Variants in GOLGA1 observed in about 807,000 individuals in gnomAD.
The protein encoded by GOLGA1 is golgin A1, also known as golgin subfamily A member 1.
In GOLGA1, 63 loss-of-function variants were observed where a neutral mutation model predicts 119.7. The observed-to-expected ratio is 0.53, with a 90% CI of 0.43 to 0.65. GOLGA1 has a LOEUF of 0.65. Ranked by LOEUF, GOLGA1 falls within the 30% of genes least tolerant of loss-of-function variation. The pLI, the probability that GOLGA1 is intolerant of heterozygous loss-of-function variation, is 0.00. For missense variants in GOLGA1, 798 were observed against 912.8 expected, an observed-to-expected ratio of 0.87 and a Z score of 1.62; for synonymous variants, 318 against 333.4, an observed-to-expected ratio of 0.95 and a Z score of 0.50.
chr9:124,940,002 T>C (rs950563920), intron 2 of GOLGA1, 104 bp downstream of exon 2: 2 of 152,254 alleles, frequency 1.3e-5, no homozygotes, highest in Admixed American at 6.5e-5. Context: ...ACCTAAGCTC[T>C]GCTCTGAGAT....
intron 3 of GOLGA1, among the ~76,000 whole-genome samples, chr9:124,938,247 A>AT (rs1830918202): frequency 6.6e-6 from 1 of 152,228 alleles, no homozygotes; most frequent in African/African-American, 2.4e-5. Context: ...ATATAAGTAT[A>AT]TATGTCTGCA....
chr9:124,890,856 AAAG>A (rs146900448), intron 15 of GOLGA1, among the ~76,000 whole-genome samples: 2,554 of 152,186 alleles, frequency 0.017, 72 homozygotes, highest in African/African-American at 0.059. Flanking sequence ...TTGGTTATGG[AAAG>A]AAGAAGAAGT....
chr9:124,938,487 T>G lies in GOLGA1; in HGVS notation c.135+90A>C, dbSNP rs562267910. On this transcript the variant is annotated intron_variant, in intron 3 of 22. Transcript: ENST00000373555. ...CAGGCTCTTGTACAGCTATAAACCA[T>G]GAAAGGTATGAAATAATCAAGCAAT... 26 of 1,076,100 alleles carry G rather than the reference T, an allele frequency of 2.4e-5. No individual in the cohort carries two copies. The South Asian group carries it at 2.9e-4, about 12-fold the overall frequency. 66.7% of individuals were successfully genotyped at this position (1,076,100 alleles called of 1,614,324 possible).
rs112109177 is a variant in GOLGA1, at chr9:124,918,858, T to C, written c.843+2271A>G. Among the ~76,000 whole-genome samples, 61 of 152,248 alleles carry C rather than the reference T, an allele frequency of 4.0e-4. 1 individual carries two copies. The highest frequency in any genetic ancestry group is 1.4e-3 in the African/African-American group (58 of 41,516). Reference sequence around the variant, plus strand: ...CTGACCTTCTGCCTTTTCTGCCTCCTGCTGTCCTCCTGATCCTTGACATTC... The same window carrying C: ...CTGACCTTCTGCCTTTTCTGCCTCCCGCTGTCCTCCTGATCCTTGACATTC... On this transcript the variant is annotated intron_variant, in intron 10 of 22. Transcript: ENST00000373555.
At position 124,929,289 on chromosome 9, in the gene GOLGA1, G is replaced by C; in HGVS notation, c.228C>G (p.Asp76Glu). ...QIRKLEARLS[D>E]YAEQVRNLQK... is the part of the protein sequence containing the mutation. ...GCAAGTTTCGGACCTGTTCAGCATA[G>C]TCTTGGGTGAGGAGGGTGACGCACA... The change falls in exon 5 of 23, where the codon GAC becomes GAG. Residue 76 changes from aspartate to glutamate, a missense_variant and splice_region_variant. By Grantham distance (45) the Asp-to-Glu change is conservative. Coordinates refer to ENST00000373555, the MANE Select transcript of GOLGA1 (RefSeq NM_002077.4). 6.2e-7 allele frequency: 1 copy of C among 1,601,966 alleles called. No individual in the cohort carries two copies. The highest frequency in any genetic ancestry group is 2.2e-5 in the East Asian group (1 of 44,806).
At chr9:124,924,048 G>T (rs1045108107) in intron 7 of GOLGA1, among the ~76,000 whole-genome samples, 4 of 152,002 alleles carry the variant, frequency 2.6e-5, no homozygotes, top group Non-Finnish European at 5.9e-5. Flanking sequence ...CAGAGATGAG[G>T]TTTCACCATG....
rs765851454 is a variant in GOLGA1 at position 124,900,526 on chromosome 9, A to T, written c.1087T>A (p.Leu363Met). Reference sequence around the variant, plus strand: ...TGGAGCTGCTCCTCAGAGGCCTGCAAGGTCTGCTCCAGTTCTCTCACCTGA... The same window carrying T: ...TGGAGCTGCTCCTCAGAGGCCTGCATGGTCTGCTCCAGTTCTCTCACCTGA... Reference protein sequence around the residue: ...ETRVRELEQTLQASEEQLQQS... With the variant: ...ETRVRELEQTMQASEEQLQQS... Residue 363 changes from leucine (L) to methionine (M), a missense_variant, in exon 13 of 23, where the codon TTG (leucine) becomes ATG (methionine). Coordinates refer to ENST00000373555, the MANE Select transcript of GOLGA1 (RefSeq NM_002077.4). 1.3e-6 allele frequency: 2 copies of T among 1,590,468 alleles called. No homozygotes were observed. The highest frequency in any genetic ancestry group is 1.7e-6 in the Non-Finnish European group (2 of 1,158,696).
chr9:124,936,346 G>C (rs1830868141), intron 3 of GOLGA1, among the ~76,000 whole-genome samples: 5 of 152,106 alleles, frequency 3.3e-5, no homozygotes, highest in African/African-American at 7.2e-5. Context: ...AAGAAAGCAG[G>C]AGGAAGACTC....
In GOLGA1 at chr9:124,881,376, G is replaced by A. The variant is rs1285208639; in HGVS notation, c.2137-119C>T. The stretch of plus-strand genomic sequence containing the variant: ...TTAGCAGGACCAGGTGGTGGGTGAC[G>A]CTCTGGCACTCTGAAGTTTGGCAGC... On this transcript the variant is annotated intron_variant, in intron 21 of 22. Transcript: ENST00000373555. This position sits in a 1 kb window ranked among gnomAD's most constrained non-coding sequence, Gnocchi z 4.9. 1.7e-5 allele frequency: 12 copies of A among 717,256 alleles called. No homozygotes were observed. Among genetic ancestry groups the A allele is most frequent in the Non-Finnish European group, 3.1e-5 (12 of 391,156 alleles). The allele number at this position is 717,256 out of a possible 1,614,324, so 44.4% of individuals were successfully genotyped here.
Position 124,880,530 on chromosome 9 carries a change from C to G in GOLGA1, c.2304G>C (p.Ter768TyrextTer54). Residue 768 changes from the stop codon to tyrosine, a stop_lost, in exon 23 of 23, where the codon TAG becomes TAC. Transcript: ENST00000373555. ...SISNPRIPWS[*>Y] ...GAGCTCCATCCTTGGGTAGTCCCCT[C>G]TAGGACCATGGTATCCGAGGGTTTG... 1 of 1,580,794 alleles carries G rather than the reference C, an allele frequency of 6.3e-7. No homozygotes were observed. Among genetic ancestry groups the G allele is most frequent in the Non-Finnish European group, 8.7e-7 (1 of 1,149,818 alleles).
At chr9:124,887,846 T>C (rs1198815559) in intron 19 of GOLGA1, among the ~76,000 whole-genome samples, 1 of 152,154 alleles carries the variant, frequency 6.6e-6, no homozygotes, top group Non-Finnish European at 1.5e-5. Flanking sequence ...GGTTCACAAA[T>C]ACCTTCATTT....
In GOLGA1 at chr9:124,881,211, T is replaced by C; in HGVS notation, c.2183A>G (p.Gln728Arg). ...KAVSVLLNFS[Q>R]EEENMLKETL... is the part of the protein sequence containing the mutation. ...TTCCTTGAGCATGTTCTCCTCCTCT[T>C]GGGAAAAGTTCAGCAACACTGACAC... Residue 728 changes from glutamine (Q) to arginine (R), a missense_variant, in exon 22 of 23, where the codon CAA (glutamine) becomes CGA (arginine). Transcript: ENST00000373555. The surrounding 1 kb of genome is among the most constrained non-coding windows in gnomAD (Gnocchi z 4.9). 1 of 1,603,978 alleles carries C rather than the reference T, an allele frequency of 6.2e-7. No individual in the cohort carries two copies. Among genetic ancestry groups the C allele is most frequent in the Non-Finnish European group, 8.5e-7 (1 of 1,170,668 alleles).
intron 19 of GOLGA1, among the ~76,000 whole-genome samples, chr9:124,886,100 A>G (rs1206378611): frequency 1.3e-5 from 2 of 152,238 alleles, no homozygotes. Context: ...GCCAGGGAAC[A>G]CAGTGAAGCC....
intron 10 of GOLGA1, among the ~76,000 whole-genome samples, chr9:124,920,427 A>G (rs1830543325): frequency 6.6e-6 from 1 of 152,024 alleles, no homozygotes; most frequent in African/African-American, 2.4e-5. Context: ...ATTCAAAAAT[A>G]TTATCATTCA....
chr9:124,921,468 A>G (rs1338722423), intron 9 of GOLGA1, among the ~76,000 whole-genome samples: 3 of 152,172 alleles, frequency 2.0e-5, no homozygotes, highest in Non-Finnish European at 4.4e-5. Flanking sequence ...TCCTTAGTCT[A>G]TTAATACTTT....
intron 10 of GOLGA1, among the ~76,000 whole-genome samples, chr9:124,919,422 G>A (rs1178830599): frequency 6.6e-6 from 1 of 152,150 alleles, no homozygotes; most frequent in Non-Finnish European, 1.5e-5. Context: ...AGTTCATTGA[G>A]GGTAAAAAGC....
In GOLGA1 at chr9:124,888,846, C is replaced by T. The variant is rs1421555471; in HGVS notation, c.1761+297G>A. Among the ~76,000 whole-genome samples, 1 of 152,190 alleles carries T rather than the reference C, an allele frequency of 6.6e-6. No homozygotes were observed. Among genetic ancestry groups the T allele is most frequent in the African/African-American group, 2.4e-5 (1 of 41,456 alleles). On this transcript the variant is annotated intron_variant, in intron 18 of 22. Transcript: ENST00000373555. This position sits in a 1 kb window ranked among gnomAD's most constrained non-coding sequence, Gnocchi z 4.4. The stretch of plus-strand genomic sequence containing the variant: ...TCCCGAGTAGCTGGGACTACAGGCA[C>T]TCGCCACCACGCCTAGCTAATTTTT...
At chr9:124,898,481 G>A (rs752319606) in intron 15 of GOLGA1, 68 bp downstream of exon 15, 5 of 862,668 alleles carry the variant, frequency 5.8e-6, no homozygotes, top group Non-Finnish European at 7.8e-6. Context: ...TGAGAAGTGG[G>A]GCACTGTAAA....
In GOLGA1 at chr9:124,911,996, C is replaced by T. The variant is rs1259269932; in HGVS notation, c.874G>A (p.Val292Ile). Residue 292 changes from valine to isoleucine, a missense_variant, in exon 11 of 23, where the codon GTT becomes ATT. By Grantham distance (29) the Val-to-Ile change is conservative. Coordinates refer to ENST00000373555, the MANE Select transcript of GOLGA1 (RefSeq NM_002077.4). ...ACCTTCTCTTGCAAATGTGTGATAA[C>T]GTCTTCTTTCTCTTGAGTTTCAGCA... Reference protein sequence around the residue: ...VTAETQEKEDVITHLQEKVAS... With the variant: ...VTAETQEKEDIITHLQEKVAS... 39 of 1,613,234 alleles carry T rather than the reference C, an allele frequency of 2.4e-5. No individual in the cohort carries two copies. Among genetic ancestry groups the T allele is most frequent in the Non-Finnish European group, 3.2e-5 (38 of 1,179,268 alleles).
Sources: allele counts gnomAD v4.1 joint callset (sites outside exome capture counted in the v4.1 genomes callset), GRCh38; gene constraint gnomAD v4.1.1; non-coding constraint Gnocchi (gnomAD v3.1); transcripts MANE v1.5; gene names NCBI Gene and HGNC (gene_info 2026-07-23, HGNC 2026-07-21).